PGM2: variants seen among roughly 807,000 people sequenced by gnomAD.
The protein encoded by PGM2 is phosphopentomutase.
In PGM2, 57 loss-of-function variants were observed where a neutral mutation model predicts 74.6. That is an observed-to-expected ratio of 0.76 (90% confidence interval 0.62 to 0.95). PGM2 has a LOEUF of 0.95. Among genes scored for constraint, PGM2 ranks in the 40% least tolerant of loss-of-function variants. The pLI, the probability that PGM2 is intolerant of heterozygous loss-of-function variation, is 0.00. For missense variants in PGM2, 706 were observed against 741.9 expected (o/e 0.95, Z 0.56); for synonymous variants, 273 against 260.7 (o/e 1.05, Z -0.46).
chr4:37,832,660 A>T (rs964258274), intron 2 of PGM2, among the ~76,000 whole-genome samples: 1 of 152,174 alleles, frequency 6.6e-6, no homozygotes, highest in Non-Finnish European at 1.5e-5. Context: ...TAGATTATTT[A>T]ATTTAGCCAT....
intron 10 of PGM2, among the ~76,000 whole-genome samples, chr4:37,848,302 T>C (rs1426651656): frequency 6.6e-6 from 1 of 152,214 alleles, no homozygotes; most frequent in Non-Finnish European, 1.5e-5. Context: ...TTGAGCACCA[T>C]GTGGCCAGGA....
Position 37,855,514 on chromosome 4 carries a change from T to C in PGM2, c.1603-94T>C. The stretch of plus-strand genomic sequence containing the variant: ...GTTTTTCTTTTCTAACCAATAGATT[T>C]GTTTGGCATTTATTTTCTTACTTAT... On this transcript the variant is annotated intron_variant, in intron 12 of 13. Coordinates refer to ENST00000381967, the MANE Select transcript of PGM2 (RefSeq NM_018290.4). 5 of 1,097,190 alleles carry C rather than the reference T, an allele frequency of 4.6e-6. No individual in the cohort carries two copies. In the South Asian group the frequency reaches 8.2e-5, roughly 18 times the overall value. The allele number at this position is 1,097,190 out of a possible 1,614,324, so 68.0% of individuals were successfully genotyped here.
At chr4:37,831,189 T>G (rs1725432798) in intron 2 of PGM2, among the ~76,000 whole-genome samples, 1 of 39,610 alleles carries the variant, frequency 2.5e-5, no homozygotes, top group Admixed American at 2.6e-4. Flanking sequence ...CAAGACTCTG[T>G]CTCAAAAAAA....
At chr4:37,840,410 G>T (rs2152176738) in intron 6 of PGM2, 151 bp downstream of exon 6, 1 of 596,488 alleles carries the variant, frequency 1.7e-6, no homozygotes, top group East Asian at 2.8e-5. Flanking sequence ...TTGAGACAGG[G>T]TCTCACTGTG....
intron 12 of PGM2, among the ~76,000 whole-genome samples, 190 bp from the exon 13 acceptor site, chr4:37,855,418 C>G (rs1726167355): frequency 6.6e-6 from 1 of 152,138 alleles, no homozygotes; most frequent in Non-Finnish European, 1.5e-5. Context: ...TATAGTAGAC[C>G]ACATATTCAT....
Position 37,847,284 on chromosome 4 carries a change from A to T in PGM2, c.1271A>T (p.Glu424Val). The T allele has an allele frequency of 1.2e-6, 2 of 1,610,412 alleles. No homozygotes were observed. Among genetic ancestry groups the T allele is most frequent in the South Asian group, 2.2e-5 (2 of 90,998 alleles). The part of the protein sequence containing the change: ...DQGKTVLFAF[E>V]EAIGYMCCPF... ...GGGAAAACTGTTTTATTTGCATTTG[A>T]AGAAGCTATTGGTAAGAAGTGATCA... Residue 424 changes from glutamate (E) to valine (V), a missense_variant, in exon 10 of 14, where the codon GAA (glutamate) becomes GTA (valine). Glu to Val is a moderately radical substitution (Grantham distance 121). This residue lies in a region of PGM2 where 359 missense variants were observed against 371.1 expected (regional missense o/e 0.97). Transcript: ENST00000381967.
rs1288760373 is a variant in PGM2, at chr4:37,830,135, C to T, written c.249+4C>T. On this transcript the variant is annotated splice_donor_region_variant and intron_variant, in intron 2 of 13. Transcript: ENST00000381967. ...GACCATCATCCAGACTACACAGGTACCATGTTTTTTATAATTCTTAGTAAC... is the reference window on the plus strand; with the variant it reads ...GACCATCATCCAGACTACACAGGTATCATGTTTTTTATAATTCTTAGTAAC... 1 of 1,531,614 alleles carries T rather than the reference C, an allele frequency of 6.5e-7. No homozygotes were observed. Among genetic ancestry groups the T allele is most frequent in the South Asian group, 1.3e-5 (1 of 79,172 alleles). 94.9% of individuals were successfully genotyped at this position (1,531,614 alleles called of 1,614,324 possible). A position where few individuals can be genotyped will look rare whatever the true frequency, so the allele number is the denominator to read the frequency against.
At chr4:37,836,409 T>A (rs1725567799) in intron 3 of PGM2, among the ~76,000 whole-genome samples, 1 of 152,234 alleles carries the variant, frequency 6.6e-6, no homozygotes, top group East Asian at 1.9e-4. Flanking sequence ...TGGAAACTAT[T>A]GCAGTTTCTG....
intron 4 of PGM2, among the ~76,000 whole-genome samples, chr4:37,838,246 G>A (rs947476646): frequency 2.0e-5 from 3 of 152,128 alleles, no homozygotes; most frequent in African/African-American, 4.8e-5. Context: ...GAAACTTCTT[G>A]TGTCGAAATC....
At chr4:37,848,920 A>G (rs1725953782) in intron 11 of PGM2, among the ~76,000 whole-genome samples, 1 of 152,128 alleles carries the variant, frequency 6.6e-6, no homozygotes, top group African/African-American at 2.4e-5. Flanking sequence ...ACATACAAAA[A>G]TTAGCTGGTT....
At chr4:37,860,803 A>T (rs977325001) in intron 13 of PGM2, among the ~76,000 whole-genome samples, 3 of 152,140 alleles carry the variant, frequency 2.0e-5, no homozygotes, top group African/African-American at 7.2e-5. Context: ...TCTGTTACTT[A>T]ACCTTTCAAA....
At chr4:37,855,209 C>T (rs1306965580) in intron 12 of PGM2, among the ~76,000 whole-genome samples, 1 of 152,164 alleles carries the variant, frequency 6.6e-6, no homozygotes. Flanking sequence ...CCACCCTTCC[C>T]CAGTCAGCCC....
chr4:37,850,493 T>C (rs1211607391), intron 12 of PGM2, 120 bp downstream of exon 12: 2 of 585,442 alleles, frequency 3.4e-6, no homozygotes, highest in African/African-American at 3.9e-5. Flanking sequence ...GGCGTGATTA[T>C]AAATAAGCTA....
chr4:37,845,452 C>T (rs1340363146), intron 7 of PGM2, among the ~76,000 whole-genome samples, 181 bp from the exon 8 acceptor site: 1 of 152,206 alleles, frequency 6.6e-6, no homozygotes, highest in Non-Finnish European at 1.5e-5. Flanking sequence ...ATGTGACCAA[C>T]CAAGACCAGC....
intron 12 of PGM2, among the ~76,000 whole-genome samples, chr4:37,855,178 C>T (rs1455156822): frequency 1.3e-5 from 2 of 152,154 alleles, no homozygotes; most frequent in Non-Finnish European, 2.9e-5. Context: ...AAGCATCTCC[C>T]CAAACTCCCC....
Position 37,831,192 on chromosome 4 carries a change from C to CAAAAAA in PGM2, c.249+1077_249+1082dup, listed in dbSNP as rs11432971. Among the ~76,000 whole-genome samples, 372 of 74,036 alleles carry CAAAAAA rather than the reference C, an allele frequency of 5.0e-3. 30 individuals carry two copies. Among genetic ancestry groups the CAAAAAA allele is most frequent in the Non-Finnish European group, 5.6e-3 (229 of 40,960 alleles). The allele number at this position is 74,036 out of a possible 152,430, so 48.6% of individuals were successfully genotyped here. ...TGGGCAACAGAGCAAGACTCTGTCT[C>CAAAAAA]AAAAAAAAAAAAAAAAAAAAAGAAT... On this transcript the variant is annotated intron_variant, in intron 2 of 13. Transcript: ENST00000381967.
chr4:37,838,433 A>G (rs1234424045), intron 4 of PGM2, among the ~76,000 whole-genome samples: 1 of 152,244 alleles, frequency 6.6e-6, no homozygotes. Context: ...AGAAGAAGAC[A>G]GTAGGGACTA....
At chr4:37,854,914 A>G (rs1726153171) in intron 12 of PGM2, among the ~76,000 whole-genome samples, 1 of 152,208 alleles carries the variant, frequency 6.6e-6, no homozygotes, top group Admixed American at 6.5e-5. Flanking sequence ...ATGTTAATTC[A>G]CAAATAAAAA....
intron 13 of PGM2, among the ~76,000 whole-genome samples, chr4:37,856,426 G>T (rs1338117144): frequency 6.6e-6 from 1 of 152,012 alleles, no homozygotes; most frequent in African/African-American, 2.4e-5. Context: ...CATTCCACAT[G>T]CATTCAAGAA....
Sources: gnomAD v4.1 joint callset for allele counts (sites outside exome capture counted in the v4.1 genomes callset) on GRCh38, gnomAD v4.1.1 for gene constraint, gnomAD v4.1.1 regional missense constraint, MANE v1.5 for transcripts, NCBI Gene and HGNC (gene_info 2026-07-23, HGNC 2026-07-21) for gene names.